Variants in LRRC4C observed in about 807,000 individuals in gnomAD.
LRRC4C encodes the protein leucine-rich repeat-containing protein 4C.
In LRRC4C, 5 loss-of-function variants were observed where a neutral mutation model predicts 33.6. That is an observed-to-expected ratio of 0.15 (90% CI 0.08 to 0.31). The LOEUF is 0.31. Ranked by LOEUF, LRRC4C falls within the 10% of genes least tolerant of loss-of-function variation. The pLI is 1.00. For missense variants in LRRC4C, 560 were observed against 796.7 expected (o/e 0.70, Z 3.58); for synonymous variants, 329 against 302.0 (o/e 1.09, Z -0.93).
intron 1 of LRRC4C, among the ~76,000 whole-genome samples, chr11:41,320,010 A>G (rs11036353): frequency 0.049 from 7,507 of 152,290 alleles, 213 homozygotes; most frequent in South Asian, 0.079. Context: ...AAAAGAATCA[A>G]TACAAATAGA....
intron 2 of LRRC4C, among the ~76,000 whole-genome samples, chr11:40,791,949 C>A (rs1473538179): frequency 6.6e-6 from 1 of 151,876 alleles, no homozygotes; most frequent in Non-Finnish European, 1.5e-5. Flanking sequence ...GCTTCTTTTC[C>A]TTTAGTGGCT....
chr11:40,721,379 G>A (rs1297571771), intron 2 of LRRC4C, among the ~76,000 whole-genome samples: 4 of 152,164 alleles, frequency 2.6e-5, no homozygotes. Flanking sequence ...CAACAGATCT[G>A]CCATCACCTT....
rs1478869323 is a variant in LRRC4C, at chr11:40,191,458, TG to T, written c.-96+50060del. On this transcript the variant is annotated intron_variant, in intron 5 of 6. Transcript: ENST00000528697. Reference sequence around the variant, plus strand: ...TTTAAAGGAAATGTGTTAAATTTCTTGCATGATTGTGGCAATTCCCATTCCT... The same window carrying T: ...TTTAAAGGAAATGTGTTAAATTTCTTCATGATTGTGGCAATTCCCATTCCT... 2.6e-5 allele frequency among the ~76,000 whole-genome samples: 4 copies of T among 152,194 alleles called. No homozygotes were observed. In the East Asian group the frequency reaches 7.7e-4, roughly 29 times the overall value.
chr11:40,592,315 C>G lies in LRRC4C; in HGVS notation c.-270+55827G>C, dbSNP rs184846529. Among the ~76,000 whole-genome samples the G allele has an allele frequency of 1.1e-3, 175 of 152,296 alleles. No individual in the cohort carries two copies. The Middle Eastern group carries it at 0.017, about 15-fold the overall frequency. On this transcript the variant is annotated intron_variant, in intron 3 of 6. Transcript: ENST00000528697. Reference sequence around the variant, plus strand: ...GACCCAGGGAAGGAATTCTCACATGCTGTGAGCATCATAATCACTTGGAGG... The same window carrying G: ...GACCCAGGGAAGGAATTCTCACATGGTGTGAGCATCATAATCACTTGGAGG...
chr11:40,590,581 G>A (rs376938769), intron 3 of LRRC4C, among the ~76,000 whole-genome samples: 1 of 152,078 alleles, frequency 6.6e-6, no homozygotes, highest in African/African-American at 2.4e-5. Context: ...CAGCTTTTCT[G>A]TTCTGTTTTT....
chr11:40,615,718 G>T (rs56374136), intron 3 of LRRC4C, among the ~76,000 whole-genome samples: 26,043 of 151,602 alleles, frequency 0.17, 2,257 homozygotes, highest in African/African-American at 0.19. Flanking sequence ...ACATTAAAAA[G>T]TGCAAGTAAA....
intron 1 of LRRC4C, among the ~76,000 whole-genome samples, chr11:41,114,167 T>C (rs1192259980): frequency 6.6e-6 from 1 of 152,108 alleles, no homozygotes; most frequent in African/African-American, 2.4e-5. Context: ...CAGTTTTCAG[T>C]ATTACATTGT....
At chr11:41,358,612 G>A (rs1013419750) in intron 1 of LRRC4C, among the ~76,000 whole-genome samples, 1 of 152,126 alleles carries the variant, frequency 6.6e-6, no homozygotes, top group East Asian at 1.9e-4. Flanking sequence ...ATTTACATAT[G>A]AAAAATAAGT....
chr11:40,471,649 G>C (rs182889280), intron 3 of LRRC4C, among the ~76,000 whole-genome samples: 1 of 149,088 alleles, frequency 6.7e-6, no homozygotes, highest in East Asian at 2.0e-4. Flanking sequence ...AAAATAAAGG[G>C]ATGGAGGAAT....
chr11:40,784,381 C>T (rs1184806147), intron 2 of LRRC4C, among the ~76,000 whole-genome samples: 3 of 152,122 alleles, frequency 2.0e-5, no homozygotes, highest in African/African-American at 7.2e-5. Context: ...CTACCTCTCT[C>T]GTCAGATTGC....
At chr11:40,936,625 C>A (rs774988997) in intron 1 of LRRC4C, among the ~76,000 whole-genome samples, 3 of 152,068 alleles carry the variant, frequency 2.0e-5, no homozygotes, top group Non-Finnish European at 4.4e-5. Flanking sequence ...TGTGAGCCAC[C>A]GTGCCCGGCC....
chr11:40,481,525 G>A (rs935974955), intron 3 of LRRC4C, among the ~76,000 whole-genome samples: 13 of 152,016 alleles, frequency 8.6e-5, no homozygotes, highest in African/African-American at 2.2e-4. Flanking sequence ...ATTCAGTAAC[G>A]GTCACCATAA....
chr11:40,494,876 T>C (rs371083388), intron 3 of LRRC4C, among the ~76,000 whole-genome samples: 4 of 152,180 alleles, frequency 2.6e-5, no homozygotes, highest in East Asian at 3.8e-4. Flanking sequence ...AATCAGACTG[T>C]TTGAATCCCA....
At chr11:41,063,498 G>C (rs1937957435) in intron 1 of LRRC4C, among the ~76,000 whole-genome samples, 1 of 152,176 alleles carries the variant, frequency 6.6e-6, no homozygotes, top group Non-Finnish European at 1.5e-5. Context: ...ACTATAGATA[G>C]AAGAGTCAGG....
chr11:40,176,959 A>G (rs1590624274), intron 5 of LRRC4C, among the ~76,000 whole-genome samples: 2 of 85,268 alleles, frequency 2.3e-5, no homozygotes, highest in East Asian at 4.0e-4. Context: ...TTTGAGATGG[A>G]GTCTCGCTCT....
chr11:41,342,165 C>A (rs1284233110), intron 1 of LRRC4C, among the ~76,000 whole-genome samples: 2 of 151,448 alleles, frequency 1.3e-5, no homozygotes, highest in Non-Finnish European at 3.0e-5. Flanking sequence ...CCATGAGTGA[C>A]AACACTGCCT....
At chr11:41,146,284 C>T (rs1241930615) in intron 1 of LRRC4C, among the ~76,000 whole-genome samples, 1 of 152,192 alleles carries the variant, frequency 6.6e-6, no homozygotes, top group Non-Finnish European at 1.5e-5. Flanking sequence ...ATCTCCCCAT[C>T]ATCTCTCAAG....
rs552651066 is a variant in LRRC4C at position 40,263,783 on chromosome 11, C to G, written c.-175-22185G>C. 3.3e-5 allele frequency among the ~76,000 whole-genome samples: 5 copies of G among 152,298 alleles called. No individual in the cohort carries two copies. The South Asian group carries it at 1.0e-3, about 32-fold the overall frequency. On this transcript the variant is annotated intron_variant, in intron 4 of 6. Transcript: ENST00000528697. ...AGAATGTGAGCATAACTGATGGATA[C>G]TTCTTGGAGGTGACATTCTTTAAAC...
chr11:40,754,702 T>A (rs1462616942), intron 2 of LRRC4C, among the ~76,000 whole-genome samples: 1 of 152,136 alleles, frequency 6.6e-6, no homozygotes, highest in Admixed American at 6.6e-5. Flanking sequence ...AGCAGTATCT[T>A]AAGAGTCATT....
Sources: gnomAD v4.1 joint callset for allele counts (sites outside exome capture counted in the v4.1 genomes callset) on GRCh38, gnomAD v4.1.1 for gene constraint, MANE v1.5 for transcripts, NCBI Gene and HGNC (gene_info 2026-07-23, HGNC 2026-07-21) for gene names.